ARMC9: variants seen among roughly 807,000 people sequenced by gnomAD.
ARMC9 encodes lisH domain-containing protein ARMC9.
Under a neutral mutation model 107.0 loss-of-function variants are expected in ARMC9, and 94 were observed. The ratio of observed to expected loss-of-function variants is 0.88; its 90% confidence interval spans 0.74 to 1.04. The LOEUF is 1.04. Ranked by LOEUF, ARMC9 falls within the 50% of genes least tolerant of loss-of-function variation. ARMC9 has a pLI of 0.00. For synonymous variants in ARMC9, 380 were observed against 396.9 expected (o/e 0.96, Z 0.51); for missense variants, 942 against 1,030.1 (o/e 0.91, Z 1.17).
chr2:231,335,756 G>A (rs1006784484), intron 20 of ARMC9, among the ~76,000 whole-genome samples: 12 of 152,118 alleles, frequency 7.9e-5, no homozygotes, highest in Admixed American at 4.6e-4. Context: ...GAAATTTTTA[G>A]TACCGTGCAT....
At chr2:231,334,713 A>C (rs189571403) in intron 20 of ARMC9, among the ~76,000 whole-genome samples, 28 of 152,188 alleles carry the variant, frequency 1.8e-4, no homozygotes, top group African/African-American at 6.0e-4. Flanking sequence ...GCCCCTGTTC[A>C]TGAGTCATCC....
chr2:231,355,705 C>A, intron 21 of ARMC9, 93 bp from the exon 22 acceptor site: 1 of 1,393,478 alleles, frequency 7.2e-7, no homozygotes, highest in Non-Finnish European at 9.6e-7. Context: ...GAGGCACCGC[C>A]CCCTCCTGTA....
At chr2:231,322,092 A>C (rs1362181388) in intron 19 of ARMC9, among the ~76,000 whole-genome samples, 1 of 152,252 alleles carries the variant, frequency 6.6e-6, no homozygotes, top group Middle Eastern at 3.2e-3. Flanking sequence ...TCTGGTTGTG[A>C]AACCAACTGT....
chr2:231,258,066 T>C (rs1376730665), intron 10 of ARMC9, among the ~76,000 whole-genome samples: 1 of 152,174 alleles, frequency 6.6e-6, no homozygotes, highest in Non-Finnish European at 1.5e-5. Flanking sequence ...GGAGTCTCCC[T>C]GAGGAGGGTC....
intron 1 of ARMC9, among the ~76,000 whole-genome samples, chr2:231,205,022 G>A (rs2031748144): frequency 6.6e-6 from 1 of 152,028 alleles, no homozygotes; most frequent in Non-Finnish European, 1.5e-5. Context: ...GGATTGAAGT[G>A]GAGAGAAAGG....
chr2:231,235,099 A>C, intron 7 of ARMC9, 125 bp from the exon 8 acceptor site: 1 of 1,000,642 alleles, frequency 1.0e-6, no homozygotes, highest in Non-Finnish European at 1.4e-6. Flanking sequence ...AAACACAAGT[A>C]GTGTCCAGTT....
At chr2:231,292,140 C>G (rs187810015) in intron 18 of ARMC9, among the ~76,000 whole-genome samples, 25 of 150,844 alleles carry the variant, frequency 1.7e-4, no homozygotes, top group Admixed American at 3.3e-4. Flanking sequence ...TGCACTCCAG[C>G]CTGGGCGACA....
chr2:231,315,362 C>T (rs1186096681), intron 19 of ARMC9, among the ~76,000 whole-genome samples: 1 of 151,876 alleles, frequency 6.6e-6, no homozygotes, highest in Non-Finnish European at 1.5e-5. Context: ...CATGGTGAAA[C>T]CCCATCTCTA....
At chr2:231,343,865 C>T (rs183570871) in intron 20 of ARMC9, among the ~76,000 whole-genome samples, 31 of 151,740 alleles carry the variant, frequency 2.0e-4, no homozygotes, top group Non-Finnish European at 4.1e-4. Context: ...CTCCACTGCA[C>T]TCCAGCCTGG....
chr2:231,354,533 C>T (rs2045256398), intron 21 of ARMC9, among the ~76,000 whole-genome samples: 1 of 152,038 alleles, frequency 6.6e-6, no homozygotes, highest in African/African-American at 2.4e-5. Context: ...AGGCATACAT[C>T]ACCACGTCCC....
At chr2:231,367,490 C>T (rs1030155777) in intron 23 of ARMC9, among the ~76,000 whole-genome samples, 23 of 152,148 alleles carry the variant, frequency 1.5e-4, no homozygotes, top group Admixed American at 8.5e-4. Context: ...TGGTGCTGGC[C>T]GCCCTGTCCC....
rs891616800 is a variant in ARMC9 at position 231,321,052 on chromosome 2, GA to G, written c.1774-10739del. Among the ~76,000 whole-genome samples, 129 of 152,336 alleles carry G rather than the reference GA, an allele frequency of 8.5e-4. 1 individual carries two copies. Among genetic ancestry groups the G allele is most frequent in the African/African-American group, 3.0e-3 (123 of 41,572 alleles). Reference sequence around the variant, plus strand: ...TGTGTGTGGCTTTGGGCAAGCTGGTGAACCTCACCAAGCCTCAGTGTTCTCA... The same window carrying G: ...TGTGTGTGGCTTTGGGCAAGCTGGTGACCTCACCAAGCCTCAGTGTTCTCA... On this transcript the variant is annotated intron_variant, in intron 19 of 24. Coordinates refer to ENST00000611582, the MANE Select transcript of ARMC9 (RefSeq NM_001352754.2).
chr2:231,369,258 G>T (rs549901261), intron 23 of ARMC9, among the ~76,000 whole-genome samples: 1 of 151,876 alleles, frequency 6.6e-6, no homozygotes, highest in Non-Finnish European at 1.5e-5. Context: ...TATGCCCATC[G>T]TCTCCTTCCT....
chr2:231,283,492 C>T (rs1574941916), intron 17 of ARMC9, among the ~76,000 whole-genome samples: 1 of 152,106 alleles, frequency 6.6e-6, no homozygotes, highest in African/African-American at 2.4e-5. Context: ...TACAGTGGCA[C>T]CATCTTGACT....
Position 231,285,173 on chromosome 2 carries a change from G to A in ARMC9, c.1626+3040G>A, listed in dbSNP as rs550859960. ...AGATCATGCCATTGCACTCCAGCCTGGGTAACAGAGCAAGACTCTGTCTCA... is the reference window on the plus strand; with the variant it reads ...AGATCATGCCATTGCACTCCAGCCTAGGTAACAGAGCAAGACTCTGTCTCA... On this transcript the variant is annotated intron_variant, in intron 17 of 24. Transcript: ENST00000611582. Among the ~76,000 whole-genome samples, 3 of 152,112 alleles carry A rather than the reference G, an allele frequency of 2.0e-5. No homozygotes were observed. In the South Asian group the frequency reaches 6.2e-4, roughly 32 times the overall value.
At chr2:231,328,846 G>A (rs555294079) in intron 19 of ARMC9, among the ~76,000 whole-genome samples, 1 of 89,456 alleles carries the variant, frequency 1.1e-5, no homozygotes, top group East Asian at 2.7e-4. Context: ...TCGGAGTCTT[G>A]CTCTGTCGCC....
At chr2:231,237,011 A>G (rs1266562662) in intron 8 of ARMC9, among the ~76,000 whole-genome samples, 2 of 152,236 alleles carry the variant, frequency 1.3e-5, no homozygotes, top group Non-Finnish European at 2.9e-5. Context: ...AGCCTTTCTA[A>G]TGTAAAAGAA....
intron 19 of ARMC9, among the ~76,000 whole-genome samples, chr2:231,322,098 A>G (rs752999350): frequency 1.1e-4 from 16 of 152,380 alleles, no homozygotes; most frequent in Admixed American, 6.5e-4. Flanking sequence ...TGTGAAACCA[A>G]CTGTCATACC....
At chr2:231,253,577 G>A (rs1307424025) in intron 9 of ARMC9, among the ~76,000 whole-genome samples, 1 of 152,188 alleles carries the variant, frequency 6.6e-6, no homozygotes, top group Admixed American at 6.6e-5. Flanking sequence ...TTATGGACCA[G>A]AGTTGGGCTT....
Sources: gnomAD v4.1 joint callset for allele counts (sites outside exome capture counted in the v4.1 genomes callset) on GRCh38, gnomAD v4.1.1 for gene constraint, MANE v1.5 for transcripts, NCBI Gene and HGNC (gene_info 2026-07-23, HGNC 2026-07-21) for gene names.